RUNDC3B: variants seen among roughly 807,000 people sequenced by gnomAD.
The protein encoded by RUNDC3B is RUN domain containing 3B.
RUNDC3B carries 33 observed loss-of-function variants against 58.4 expected under a neutral mutation model. That is an observed-to-expected ratio of 0.56 (90% CI 0.43 to 0.75). The LOEUF (loss-of-function observed/expected upper bound fraction) is 0.75. Among genes scored for constraint, RUNDC3B ranks in the 30% least tolerant of loss-of-function variants. RUNDC3B has a pLI of 0.00. For missense variants in RUNDC3B, 501 were observed against 535.7 expected, an observed-to-expected ratio of 0.94 and a Z score of 0.64; for synonymous variants, 193 against 195.2, an observed-to-expected ratio of 0.99 and a Z score of 0.10.
In RUNDC3B at chr7:87,648,054, G is replaced by A. The variant is rs1823199803; in HGVS notation, c.123-2768G>A. Among the ~76,000 whole-genome samples, 5 of 151,754 alleles carry A rather than the reference G, an allele frequency of 3.3e-5. No individual in the cohort carries two copies. The South Asian group carries it at 1.0e-3, about 32-fold the overall frequency. ...CAAAAAATTAGCCGGGCTTGGTGGT[G>A]GGCGCCTGTAGTCCCAGCTACTCAG... On this transcript the variant is annotated intron_variant, in intron 1 of 10. Coordinates refer to ENST00000394654, the MANE Select transcript of RUNDC3B (RefSeq NM_001134405.2).
At chr7:87,729,171 G>A (rs867806281) in intron 4 of RUNDC3B, among the ~76,000 whole-genome samples, 1 of 152,026 alleles carries the variant, frequency 6.6e-6, no homozygotes, top group African/African-American at 2.4e-5. Context: ...GGAAAGTGGG[G>A]CAAGATGGAT....
At chr7:87,669,879 CT>C (rs545111311) in intron 2 of RUNDC3B, among the ~76,000 whole-genome samples, 120 of 152,266 alleles carry the variant, frequency 7.9e-4, no homozygotes, top group African/African-American at 2.7e-3. Flanking sequence ...GTCATGTGCC[CT>C]TTCTCTCTAG....
intron 8 of RUNDC3B, 43 bp downstream of exon 8, chr7:87,777,998 A>G: frequency 6.5e-7 from 1 of 1,533,340 alleles, no homozygotes; most frequent in African/African-American, 1.4e-5. Context: ...GCATGTAAAC[A>G]TTAAGACAAA....
chr7:87,796,957 A>G (rs1835853871), intron 8 of RUNDC3B, among the ~76,000 whole-genome samples: 1 of 152,250 alleles, frequency 6.6e-6, no homozygotes, highest in Admixed American at 6.5e-5. Flanking sequence ...AGACTAATAC[A>G]TTTAATGAAA....
At chr7:87,637,779 C>A (rs367591623) in intron 1 of RUNDC3B, among the ~76,000 whole-genome samples, 1 of 151,790 alleles carries the variant, frequency 6.6e-6, no homozygotes, top group African/African-American at 2.4e-5. Context: ...ACAGTCTTAC[C>A]AGATTTCTTT....
intron 10 of RUNDC3B, among the ~76,000 whole-genome samples, chr7:87,817,391 T>A (rs1451239612): frequency 6.6e-6 from 1 of 152,176 alleles, no homozygotes; most frequent in East Asian, 1.9e-4. Context: ...CTTCAGACTC[T>A]CCAATGGCTT....
At chr7:87,639,858 ATTAT>A (rs1822244323) in intron 1 of RUNDC3B, among the ~76,000 whole-genome samples, 1 of 151,856 alleles carries the variant, frequency 6.6e-6, no homozygotes, top group African/African-American at 2.4e-5. Flanking sequence ...TAGTCTTTTA[ATTAT>A]TTAGCCCATT....
At chr7:87,706,287 T>G (rs1280721927) in intron 3 of RUNDC3B, among the ~76,000 whole-genome samples, 1 of 148,228 alleles carries the variant, frequency 6.7e-6, no homozygotes, top group Non-Finnish European at 1.5e-5. Flanking sequence ...TACTTGAGAG[T>G]TTTTTTTTTA....
In RUNDC3B at chr7:87,770,742, A is replaced by G; in HGVS notation, c.791A>G (p.Glu264Gly). Residue 264 changes from glutamate (E) to glycine (G), a missense_variant, in exon 7 of 11, where the codon GAA (glutamate) becomes GGA (glycine). Transcript: ENST00000394654. ...AAACAAAAGTATCAGCTTACCCTGG[A>G]ACAGAAGGTATTTTAAAATTATCAA... ...RVKQKYQLTL[E>G]QKGYLEELLR... 6.2e-7 allele frequency: 1 copy of G among 1,603,254 alleles called. No homozygotes were observed. The highest frequency in any genetic ancestry group is 1.3e-5 in the African/African-American group (1 of 74,472).
At chr7:87,642,477 T>C (rs1822553878) in intron 1 of RUNDC3B, among the ~76,000 whole-genome samples, 1 of 152,132 alleles carries the variant, frequency 6.6e-6, no homozygotes, top group Non-Finnish European at 1.5e-5. Flanking sequence ...TCCAAGTATA[T>C]AAAGTGTTCT....
chr7:87,657,391 C>G (rs527440466), intron 2 of RUNDC3B, among the ~76,000 whole-genome samples: 6 of 152,280 alleles, frequency 3.9e-5, no homozygotes, highest in Non-Finnish European at 8.8e-5. Context: ...CGTATCTGCT[C>G]TACTTTAAAC....
At chr7:87,770,140 T>C (rs1554488598) in intron 6 of RUNDC3B, among the ~76,000 whole-genome samples, 1 of 152,070 alleles carries the variant, frequency 6.6e-6, no homozygotes, top group Non-Finnish European at 1.5e-5. Context: ...CACTACCCTG[T>C]ATTATACCCC....
intron 7 of RUNDC3B, among the ~76,000 whole-genome samples, chr7:87,776,586 C>T (rs991928383): frequency 1.3e-5 from 2 of 151,658 alleles, no homozygotes; most frequent in East Asian, 3.8e-4. Context: ...ATTATATTGA[C>T]TTTTAAAGTA....
At chr7:87,705,639 CTT>C (rs1829515907) in intron 3 of RUNDC3B, among the ~76,000 whole-genome samples, 1 of 152,160 alleles carries the variant, frequency 6.6e-6, no homozygotes, top group South Asian at 2.1e-4. Flanking sequence ...GAACATGAGA[CTT>C]TTATTACATA....
chr7:87,769,931 C>G (rs1027614387), intron 6 of RUNDC3B, among the ~76,000 whole-genome samples: 13 of 152,056 alleles, frequency 8.5e-5, no homozygotes, highest in Non-Finnish European at 1.3e-4. Context: ...AGTTTCTCTT[C>G]TACCATTTTT....
At chr7:87,733,397 A>G (rs972149574) in intron 4 of RUNDC3B, among the ~76,000 whole-genome samples, 13 of 152,220 alleles carry the variant, frequency 8.5e-5, no homozygotes, top group African/African-American at 2.7e-4. Context: ...TTCTGTAGCA[A>G]TAGTTTCAAG....
intron 10 of RUNDC3B, among the ~76,000 whole-genome samples, chr7:87,822,069 C>T (rs1473135749): frequency 1.3e-5 from 2 of 152,148 alleles, no homozygotes; most frequent in African/African-American, 4.8e-5. Context: ...AGAGCTTCTG[C>T]ACAGCAAAAG....
At chr7:87,802,976 C>T (rs955198070) in intron 8 of RUNDC3B, among the ~76,000 whole-genome samples, 6 of 151,730 alleles carry the variant, frequency 4.0e-5, no homozygotes, top group Admixed American at 6.6e-5. Flanking sequence ...CAGATTGAGA[C>T]CCTACTCAAA....
intron 2 of RUNDC3B, among the ~76,000 whole-genome samples, chr7:87,681,880 T>C (rs1174663983): frequency 6.6e-6 from 1 of 152,210 alleles, no homozygotes; most frequent in Non-Finnish European, 1.5e-5. Flanking sequence ...GCTGCATCCA[T>C]GGACTCTTCC....
Sources: gnomAD v4.1 joint callset for allele counts (sites outside exome capture counted in the v4.1 genomes callset) on GRCh38, gnomAD v4.1.1 for gene constraint, MANE v1.5 for transcripts, NCBI Gene and HGNC (gene_info 2026-07-23, HGNC 2026-07-21) for gene names.